The following ACOT12 variants were observed in gnomAD, a reference collection of about 807,000 sequenced individuals.
The protein encoded by ACOT12 is acyl-CoA thioesterase 12.
Under a neutral mutation model 67.7 loss-of-function variants are expected in ACOT12, and 51 were observed. The ratio of observed to expected loss-of-function variants is 0.75; its 90% CI spans 0.60 to 0.95. ACOT12 has a LOEUF of 0.95. Among genes scored for constraint, ACOT12 ranks in the 40% least tolerant of loss-of-function variants. The pLI, the probability that ACOT12 is intolerant of heterozygous loss-of-function variation, is 0.00. For synonymous variants in ACOT12, 251 were observed against 244.6 expected (o/e 1.03, Z -0.24); for missense variants, 734 against 708.1 (o/e 1.04, Z -0.41).
rs192206024 is a variant in ACOT12 at position 81,348,900 on chromosome 5, A to C, written c.497-970T>G. Reference sequence around the variant, plus strand: ...TTGAATCATATCTGCTCCGTTTACTAACAAATTGGTTTTTACTCTTAACAA... The same window carrying C: ...TTGAATCATATCTGCTCCGTTTACTCACAAATTGGTTTTTACTCTTAACAA... On this transcript the variant is annotated intron_variant, in intron 5 of 14. Coordinates refer to ENST00000307624, the MANE Select transcript of ACOT12 (RefSeq NM_130767.3). 1.7e-3 allele frequency among the ~76,000 whole-genome samples: 259 copies of C among 152,356 alleles called. 2 individuals are homozygous for C. The highest frequency in any genetic ancestry group is 5.9e-3 in the African/African-American group (246 of 41,586).
the ACOT12 span, chr5:81,312,674 A>G: frequency 6.3e-7 from 1 of 1,582,590 alleles, no homozygotes; most frequent in South Asian, 1.1e-5. Flanking sequence ...AACAGCTAGC[A>G]CTATCATGAG....
chr5:81,380,870 T>G (rs1357028617), intron 2 of ACOT12, among the ~76,000 whole-genome samples: 1 of 151,978 alleles, frequency 6.6e-6, no homozygotes, highest in Non-Finnish European at 1.5e-5. Context: ...CATCATAGAG[T>G]GTACCCACAC....
intron 2 of ACOT12, among the ~76,000 whole-genome samples, chr5:81,383,188 G>C (rs184569792): frequency 1.3e-5 from 2 of 152,084 alleles, no homozygotes; most frequent in African/African-American, 4.8e-5. Context: ...GACCAGCCTG[G>C]CCAACATGGC....
the ACOT12 span, among the ~76,000 whole-genome samples, chr5:81,323,086 A>G: frequency 6.8e-6 from 1 of 146,128 alleles, no homozygotes; most frequent in African/African-American, 2.7e-5. Context: ...GCAAAAAGAA[A>G]AAAAAAAAAA....
At chr5:81,369,174 C>T (rs1470642685) in intron 3 of ACOT12, among the ~76,000 whole-genome samples, 1 of 151,476 alleles carries the variant, frequency 6.6e-6, no homozygotes, top group Non-Finnish European at 1.5e-5. Context: ...AAAACTCACA[C>T]TCATATAATG....
At chr5:81,371,714 C>T in intron 3 of ACOT12, 36 bp downstream of exon 3, 2 of 1,593,284 alleles carry the variant, frequency 1.3e-6, no homozygotes. Flanking sequence ...AAGAAGTGAG[C>T]ACCAACAGGC....
the ACOT12 span, among the ~76,000 whole-genome samples, chr5:81,321,661 G>T: frequency 6.6e-6 from 1 of 152,114 alleles, no homozygotes; most frequent in Non-Finnish European, 1.5e-5. Flanking sequence ...AAATGATAAA[G>T]TGGGCCAGGT....
chr5:81,344,166 A>G lies in ACOT12; in HGVS notation c.974T>C (p.Leu325Pro). Residue 325 changes from leucine to proline, a missense_variant, in exon 9 of 15, where the codon CTA becomes CCA. Transcript: ENST00000307624. ...RGAIARKRIRLGRKYVISHKE... is the reference protein window; with the variant it reads ...RGAIARKRIRPGRKYVISHKE... The stretch of plus-strand genomic sequence containing the variant: ...TACACCTTATGTTCCTTACCTGCCT[A>G]GGCGAATTCGCTTGCGTGCAATAGC... 1 of 1,613,826 alleles carries G rather than the reference A, an allele frequency of 6.2e-7. No individual in the cohort carries two copies. The highest frequency in any genetic ancestry group is 8.5e-7 in the Non-Finnish European group (1 of 1,179,872).
chr5:81,371,833 A>G, intron 2 of ACOT12, 23 bp from the exon 3 acceptor site: 1 of 1,607,000 alleles, frequency 6.2e-7, no homozygotes, highest in African/African-American at 1.3e-5. Context: ...AAACAAAAAA[A>G]CCTCAGTAGT....
At chr5:81,373,456 C>T (rs995889933) in intron 2 of ACOT12, among the ~76,000 whole-genome samples, 12 of 152,178 alleles carry the variant, frequency 7.9e-5, no homozygotes, top group African/African-American at 2.2e-4. Context: ...GGGGAGACAC[C>T]GAGCTAGCTG....
chr5:81,344,870 C>A lies in ACOT12; in HGVS notation c.924+21G>T. On this transcript the variant is annotated intron_variant, in intron 8 of 14. Transcript: ENST00000307624. ...TCTATTCACAGGTCCGGCTATTGAA[C>A]CTCGTGTGATAATAACTGACCTTTG... The A allele has an allele frequency of 1.2e-6, 2 of 1,613,560 alleles. 1 individual carries two copies. The highest frequency in any genetic ancestry group is 2.2e-5 in the South Asian group (2 of 91,044).
chr5:81,359,373 G>A (rs1276415720), intron 5 of ACOT12, among the ~76,000 whole-genome samples: 1 of 152,206 alleles, frequency 6.6e-6, no homozygotes, highest in East Asian at 1.9e-4. Context: ...CACTGCCAGA[G>A]AACTAAGGAA....
At chr5:81,343,688 T>G in intron 10 of ACOT12, 130 bp downstream of exon 10, 1 of 847,192 alleles carries the variant, frequency 1.2e-6, no homozygotes, top group African/African-American at 1.7e-5. Flanking sequence ...CATCTTGACA[T>G]GACTGGCTGA....
intron 4 of ACOT12, 33 bp from the exon 5 acceptor site, chr5:81,360,071 C>T: frequency 1.3e-6 from 2 of 1,577,290 alleles, no homozygotes; most frequent in Non-Finnish European, 1.7e-6. Flanking sequence ...CTTTTATTGC[C>T]TTGTTAAATT....
chr5:81,345,633 C>A (rs1759355751), intron 7 of ACOT12, among the ~76,000 whole-genome samples: 1 of 151,846 alleles, frequency 6.6e-6, no homozygotes, highest in Non-Finnish European at 1.5e-5. Context: ...CAGGTACAAA[C>A]CAGGTCCTAC....
downstream of ACOT12, among the ~76,000 whole-genome samples, chr5:81,328,199 C>T (rs764163090): frequency 2.8e-4 from 42 of 152,088 alleles, no homozygotes; most frequent in Non-Finnish European, 4.7e-4. Context: ...GCTCAAATGT[C>T]CCTCAAGGAA....
At chr5:81,343,904 TA>T in intron 9 of ACOT12, 23 bp from the exon 10 acceptor site, 3 of 1,600,902 alleles carry the variant, frequency 1.9e-6, no homozygotes, top group Non-Finnish European at 2.6e-6. Flanking sequence ...ATTAAAGTGT[TA>T]AATGACAGTT....
chr5:81,356,903 T>C (rs1333313291), intron 5 of ACOT12, among the ~76,000 whole-genome samples: 5 of 151,944 alleles, frequency 3.3e-5, no homozygotes, highest in African/African-American at 4.8e-5. Context: ...GCAAACCCAG[T>C]CATGCCCCAA....
intron 14 of ACOT12, 49 bp from the exon 15 acceptor site, chr5:81,330,592 C>G (rs972585384): frequency 6.3e-7 from 1 of 1,593,694 alleles, no homozygotes; most frequent in Admixed American, 1.7e-5. Context: ...TGACTTGGAG[C>G]TTTTTCAAGA....
Sources: allele counts gnomAD v4.1 joint callset (sites outside exome capture counted in the v4.1 genomes callset), GRCh38; gene constraint gnomAD v4.1.1; transcripts MANE v1.5; gene names NCBI Gene and HGNC (gene_info 2026-07-23, HGNC 2026-07-21).